Variants in RBMS2 observed in about 807,000 individuals in gnomAD.
RBMS2 encodes the protein RNA binding motif single stranded interacting protein 2, also known as RNA-binding motif, single-stranded-interacting protein 2.
RBMS2 carries 38 observed loss-of-function variants against 58.4 expected under a neutral mutation model. The observed-to-expected ratio is 0.65, with a 90% CI of 0.50 to 0.85. The LOEUF is 0.85. Among genes scored for constraint, RBMS2 ranks in the 40% least tolerant of loss-of-function variants. The pLI is 0.00. For synonymous variants in RBMS2, 151 were observed against 180.7 expected (o/e 0.84, Z 1.32); for missense variants, 367 against 503.7 (o/e 0.73, Z 2.60).
rs1882819738 is a variant in RBMS2, at chr12:56,574,480, G to A, written c.542+2625G>A. ...GTTATCTATCAAAAGGATTGTAGGG[G>A]GAACTAATGTTGAAGCAGTGTACAA... is the stretch of plus-strand genomic sequence containing the variant. On this transcript the variant is annotated intron_variant, in intron 5 of 13. Transcript: ENST00000262031. Among the ~76,000 whole-genome samples the A allele has an allele frequency of 3.3e-5, 5 of 152,232 alleles. No homozygotes were observed. The South Asian group carries it at 1.0e-3, about 32-fold the overall frequency.
chr12:56,589,442 C>T lies in RBMS2; in HGVS notation c.*309C>T. ...GTTTTTAACTGCAACGTACTTTTCC[C>T]CTACCTTGAAGAGACATGGTGGTCG... On this transcript the variant is annotated 3_prime_UTR_variant, in exon 14 of 14. Transcript: ENST00000262031. The T allele has an allele frequency of 3.9e-6, 2 of 518,194 alleles. No individual in the cohort carries two copies. Among genetic ancestry groups the T allele is most frequent in the Non-Finnish European group, 5.6e-6 (2 of 356,600 alleles). The allele number at this position is 518,194 out of a possible 1,614,324, so 32.1% of individuals were successfully genotyped here. A position where few individuals can be genotyped will look rare whatever the true frequency, so the allele number is the denominator to read the frequency against.
chr12:56,570,380 C>T (rs963398028), intron 4 of RBMS2, among the ~76,000 whole-genome samples: 1 of 152,154 alleles, frequency 6.6e-6, no homozygotes, highest in African/African-American at 2.4e-5. Context: ...ACAATGCTCT[C>T]CACCTCCTAA....
intron 1 of RBMS2, among the ~76,000 whole-genome samples, chr12:56,524,121 A>G (rs1427288649): frequency 3.3e-5 from 5 of 152,172 alleles, no homozygotes; most frequent in African/African-American, 1.2e-4. Context: ...TATAGGAAAA[A>G]GTTAATTAGC....
upstream of RBMS2, among the ~76,000 whole-genome samples, chr12:56,520,413 G>C (rs1467057438): frequency 6.6e-6 from 1 of 152,138 alleles, no homozygotes; most frequent in African/African-American, 2.4e-5. Context: ...GGGAGGGTTT[G>C]GGCTTAATAT....
chr12:56,575,685 G>A (rs967359971), intron 5 of RBMS2, among the ~76,000 whole-genome samples: 16 of 151,256 alleles, frequency 1.1e-4, no homozygotes, highest in African/African-American at 3.4e-4. Context: ...ACCTGAGGTC[G>A]GGAGTTCGAG....
chr12:56,540,677 G>A (rs117718178), intron 1 of RBMS2, among the ~76,000 whole-genome samples: 2,873 of 152,214 alleles, frequency 0.019, 34 homozygotes, highest in Non-Finnish European at 0.029. Flanking sequence ...ACCACACCTG[G>A]CTACCTGCAT....
chr12:56,555,000 TAC>T (rs1878967249), intron 1 of RBMS2, among the ~76,000 whole-genome samples: 1 of 151,982 alleles, frequency 6.6e-6, no homozygotes, highest in African/African-American at 2.4e-5. Context: ...AATATCCTTG[TAC>T]ATATATATTT....
Position 56,590,920 on chromosome 12 carries a change from A to G in RBMS2, c.*1787A>G, listed in dbSNP as rs924825200. The G allele has an allele frequency of 6.6e-6, 1 of 152,186 alleles. No individual in the cohort carries two copies. The highest frequency in any genetic ancestry group is 2.4e-5 in the African/African-American group (1 of 41,418). 9.4% of individuals were successfully genotyped at this position (152,186 alleles called of 1,614,324 possible). On this transcript the variant is annotated 3_prime_UTR_variant, in exon 14 of 14. Coordinates refer to ENST00000262031, the MANE Select transcript of RBMS2 (RefSeq NM_002898.4). Reference sequence around the variant, plus strand: ...TTCTGTGGAAGGACAACGGGGAGCTAGGGTAGCAAAGAGCAATAAATTCCA... The same window carrying G: ...TTCTGTGGAAGGACAACGGGGAGCTGGGGTAGCAAAGAGCAATAAATTCCA...
At chr12:56,556,056 A>G (rs143953389) in intron 1 of RBMS2, among the ~76,000 whole-genome samples, 2,207 of 151,920 alleles carry the variant, frequency 0.015, 25 homozygotes, top group Middle Eastern at 0.037. Flanking sequence ...TAAAAAAAAA[A>G]AAAAGGAGAG....
intron 1 of RBMS2, among the ~76,000 whole-genome samples, chr12:56,557,896 G>A (rs1194357267): frequency 1.3e-5 from 2 of 151,132 alleles, no homozygotes; most frequent in Non-Finnish European, 2.9e-5. Context: ...GCACCACCAC[G>A]CCCGGCTAAT....
At chr12:56,530,840 G>C (rs1873605259) in intron 1 of RBMS2, among the ~76,000 whole-genome samples, 1 of 152,024 alleles carries the variant, frequency 6.6e-6, no homozygotes, top group African/African-American at 2.4e-5. Context: ...CTTAATTCCG[G>C]AATGGCCTTT....
In RBMS2 at chr12:56,541,125, C is replaced by T. The variant is rs116051168; in HGVS notation, c.66+19036C>T. Reference sequence around the variant, plus strand: ...CAAAAAAAAAAAAAAACCCCAAAACCGCTAAGTCTCTGCGACTTTTGAGCC... The same window carrying T: ...CAAAAAAAAAAAAAAACCCCAAAACTGCTAAGTCTCTGCGACTTTTGAGCC... On this transcript the variant is annotated intron_variant, in intron 1 of 13. Coordinates refer to ENST00000262031, the MANE Select transcript of RBMS2 (RefSeq NM_002898.4). Among the ~76,000 whole-genome samples, 1,269 of 148,662 alleles carry T rather than the reference C, an allele frequency of 8.5e-3. 23 individuals carry two copies. Among genetic ancestry groups the T allele is most frequent in the African/African-American group, 0.03 (1,209 of 40,688 alleles).
intron 9 of RBMS2, among the ~76,000 whole-genome samples, chr12:56,584,570 G>T (rs957819187): frequency 6.6e-6 from 1 of 152,048 alleles, no homozygotes; most frequent in African/African-American, 2.4e-5. Context: ...CGGATCACAA[G>T]GTCAGGAGAT....
intron 1 of RBMS2, among the ~76,000 whole-genome samples, chr12:56,536,966 G>C (rs1042754654): frequency 6.6e-6 from 1 of 150,532 alleles, no homozygotes. Flanking sequence ...TGTTGTGCAG[G>C]CTGGAGTGCA....
At chr12:56,574,803 A>T (rs1882858789) in intron 5 of RBMS2, among the ~76,000 whole-genome samples, 1 of 152,210 alleles carries the variant, frequency 6.6e-6, no homozygotes, top group Non-Finnish European at 1.5e-5. Flanking sequence ...AATGTATTCA[A>T]ATGAGATCTA....
chr12:56,559,208 C>T (rs1464781586), intron 1 of RBMS2, among the ~76,000 whole-genome samples: 1 of 151,458 alleles, frequency 6.6e-6, no homozygotes, highest in Non-Finnish European at 1.5e-5. Flanking sequence ...GAGACAGAGT[C>T]TCGCTCTGTT....
At chr12:56,580,996 C>A (rs1883866753) in intron 5 of RBMS2, among the ~76,000 whole-genome samples, 188 bp from the exon 6 acceptor site, 1 of 152,170 alleles carries the variant, frequency 6.6e-6, no homozygotes, top group African/African-American at 2.4e-5. Context: ...GTTGAAAGAA[C>A]CTTCATTACA....
chr12:56,544,415 A>G (rs1335993796), intron 1 of RBMS2, among the ~76,000 whole-genome samples: 1 of 152,146 alleles, frequency 6.6e-6, no homozygotes, highest in Non-Finnish European at 1.5e-5. Context: ...TTTCTCTTAC[A>G]TGATTTGAGC....
rs768094845 is a variant in RBMS2, at chr12:56,587,587, A to C, written c.985A>C (p.Ile329Leu). The change falls in exon 11 of 14, where the codon ATT (isoleucine) becomes CTT (leucine). Residue 329 changes from isoleucine to leucine, a missense_variant. By Grantham distance (5) the Ile-to-Leu change is conservative. Coordinates refer to ENST00000262031, the MANE Select transcript of RBMS2 (RefSeq NM_002898.4). ...TCTGACACCAGGGATGGACCATCCC[A>C]TTTCTCTCCAGCCTGCCTCCATGAT... The part of the protein sequence containing the change: ...SVLTPGMDHP[I>L]SLQPASMMGP... The C allele has an allele frequency of 1.2e-6, 2 of 1,613,900 alleles. No homozygotes were observed. Among genetic ancestry groups the C allele is most frequent in the Non-Finnish European group, 1.7e-6 (2 of 1,179,904 alleles).
Sources: gnomAD v4.1 joint callset for allele counts (sites outside exome capture counted in the v4.1 genomes callset) on GRCh38, gnomAD v4.1.1 for gene constraint, MANE v1.5 for transcripts, NCBI Gene and HGNC (gene_info 2026-07-23, HGNC 2026-07-21) for gene names.